PRKDC: variants seen among roughly 807,000 people sequenced by gnomAD.
PRKDC encodes the protein DNA-dependent protein kinase catalytic subunit.
PRKDC carries 82 observed loss-of-function variants against 486.9 expected under a neutral mutation model. The ratio of observed to expected loss-of-function variants is 0.17; its 90% confidence interval spans 0.14 to 0.20. The LOEUF is 0.20. PRKDC is among the 10% of genes least tolerant of loss of function. PRKDC has a pLI of 1.00. For missense variants in PRKDC, 4,504 were observed against 5,038.2 expected (o/e 0.89, Z 3.21); for synonymous variants, 1,895 against 1,837.0 (o/e 1.03, Z -0.81).
rs1046933026 is a variant in PRKDC, at chr8:47,886,209, C to A, written c.4573-62G>T. The A allele has an allele frequency of 2.7e-4, 359 of 1,329,342 alleles. 2 individuals carry two copies. Among genetic ancestry groups the A allele is most frequent in the Non-Finnish European group, 5.2e-5 (52 of 994,734 alleles). The allele number at this position is 1,329,342 out of a possible 1,614,324, so 82.3% of individuals were successfully genotyped here. A position where few individuals can be genotyped will look rare whatever the true frequency, so the allele number is the denominator to read the frequency against. On this transcript the variant is annotated intron_variant, in intron 35 of 85. Coordinates refer to ENST00000314191, the MANE Select transcript of PRKDC (RefSeq NM_006904.7). Reference sequence around the variant, plus strand: ...ACATCTTTGCATGGCACAGAAAGACCCTTGGGCAACTGATAACTTTGAAAT... The same window carrying A: ...ACATCTTTGCATGGCACAGAAAGACACTTGGGCAACTGATAACTTTGAAAT...
At position 47,789,036 on chromosome 8, in the gene PRKDC, T is replaced by C; in HGVS notation, c.10772A>G (p.Asp3591Gly). ...PELLFKDWSN[D>G]VRAELAKTPV... Reference sequence around the variant, plus strand: ...GGTTTTTGCTAGTTCAGCTCTTACATCATTGCTCCAATCCTGTCAGGGGAA... The same window carrying C: ...GGTTTTTGCTAGTTCAGCTCTTACACCATTGCTCCAATCCTGTCAGGGGAA... The change falls in exon 76 of 86, where the codon GAT becomes GGT. Residue 3591 changes from aspartate (D) to glycine (G), a missense_variant. Asp to Gly is a moderately conservative substitution (Grantham distance 94). Around this residue, in one of 6 missense-constraint regions of PRKDC, gnomAD observed 706 missense variants for 945.0 expected, o/e 0.75. Transcript: ENST00000314191. 1 of 1,612,532 alleles carries C rather than the reference T, an allele frequency of 6.2e-7. No individual in the cohort carries two copies. The highest frequency in any genetic ancestry group is 1.1e-5 in the South Asian group (1 of 90,726).
intron 70 of PRKDC, among the ~76,000 whole-genome samples, chr8:47,801,221 A>G (rs895176490): frequency 1.3e-5 from 2 of 152,012 alleles, no homozygotes; most frequent in East Asian, 3.9e-4. Flanking sequence ...ACAGGCTTGC[A>G]CCACCATGCC....
chr8:47,791,745 T>G (rs1286634034), intron 74 of PRKDC, among the ~76,000 whole-genome samples: 1 of 152,096 alleles, frequency 6.6e-6, no homozygotes, highest in African/African-American at 2.4e-5. Context: ...CCTTGTATAC[T>G]ATTGGTGGGA....
At chr8:47,941,408 G>A (rs76507025) in intron 10 of PRKDC, among the ~76,000 whole-genome samples, 328 of 152,252 alleles carry the variant, frequency 2.2e-3, no homozygotes, top group Non-Finnish European at 3.9e-3. Flanking sequence ...ATGTGACTCG[G>A]AATGGGAGCT....
At chr8:47,778,214 CT>C (rs2086638722) in intron 83 of PRKDC, among the ~76,000 whole-genome samples, 1 of 152,188 alleles carries the variant, frequency 6.6e-6, no homozygotes, top group South Asian at 2.1e-4. Context: ...TTCTTAGAGT[CT>C]TCCTTTGATC....
rs773126097 is a variant in PRKDC, at chr8:47,913,990, A to G, written c.2692T>C (p.Phe898Leu). ...AAAATGACAGGTTTCATCTCTCTAA[A>G]GGGCACTGCAAAGCTCAGCCGCTTC... The part of the protein sequence containing the change: ...REKRLSFAVP[F>L]REMKPVIFLD... Residue 898 changes from phenylalanine (F) to leucine (L), a missense_variant, in exon 24 of 86, where the codon TTT becomes CTT. Physicochemically the swap from Phe to Leu is conservative, Grantham distance 22 (BLOSUM62 0). Around this residue, in one of 6 missense-constraint regions of PRKDC, gnomAD observed 1,969 missense variants for 2,068.9 expected, o/e 0.95. Transcript: ENST00000314191. The G allele has an allele frequency of 1.2e-6, 2 of 1,609,160 alleles. No individual in the cohort carries two copies. The highest frequency in any genetic ancestry group is 1.1e-5 in the South Asian group (1 of 90,238).
rs182062448 is a variant in PRKDC, at chr8:47,796,118, C to T, written c.10459-1617G>A. Among the ~76,000 whole-genome samples the T allele has an allele frequency of 3.4e-4, 51 of 151,934 alleles. 1 individual carries two copies. In the East Asian group the frequency reaches 9.6e-3, roughly 28 times the overall value. On this transcript the variant is annotated intron_variant, in intron 73 of 85. Transcript: ENST00000314191. ...CTGTGTTAGCCAGGATGGTCTCAAT[C>T]TCCTGACCTCATGATCCGCCCACCT...
At chr8:47,902,219 TATCCTTCAAGTCTC>T (rs1322201863) in intron 27 of PRKDC, among the ~76,000 whole-genome samples, 1 of 152,198 alleles carries the variant, frequency 6.6e-6, no homozygotes, top group Non-Finnish European at 1.5e-5. Flanking sequence ...GACTTCCATT[TATCCTTCAAGTCTC>T]ATCTCCAATA....
intron 68 of PRKDC, 52 bp from the exon 69 acceptor site, chr8:47,807,378 T>C: frequency 1.4e-6 from 2 of 1,396,292 alleles, no homozygotes; most frequent in South Asian, 3.1e-5. Flanking sequence ...AGGAAGCTGC[T>C]GGATAGCAAT....
At chr8:47,892,058 C>T (rs895250766) in intron 31 of PRKDC, among the ~76,000 whole-genome samples, 34 of 152,006 alleles carry the variant, frequency 2.2e-4, no homozygotes, top group Admixed American at 1.3e-3. Flanking sequence ...TTGGTAGATA[C>T]GGGATTTCGC....
chr8:47,855,093 T>C, intron 50 of PRKDC, 129 bp downstream of exon 50: 2 of 1,013,666 alleles, frequency 2.0e-6, no homozygotes, highest in Non-Finnish European at 1.4e-6. Context: ...TGTGGTTTTA[T>C]TAGTAACAAT....
At chr8:47,956,088 C>T in intron 3 of PRKDC, 140 bp from the exon 4 acceptor site, 2 of 661,410 alleles carry the variant, frequency 3.0e-6, no homozygotes, top group Middle Eastern at 4.3e-4. Context: ...TTAGGCCGGG[C>T]ATAGTGGCTC....
intron 76 of PRKDC, among the ~76,000 whole-genome samples, chr8:47,787,360 T>C (rs1465568381): frequency 6.6e-6 from 1 of 152,180 alleles, no homozygotes; most frequent in African/African-American, 2.4e-5. Flanking sequence ...GGATGAAAAA[T>C]GTAGAAAACA....
chr8:47,849,240 C>T lies in PRKDC; in HGVS notation c.7194G>A (p.Leu2398=). Residue 2398 remains leucine (L), a synonymous_variant, in exon 54 of 86, where the codon CTG becomes CTA. Coordinates refer to ENST00000314191, the MANE Select transcript of PRKDC (RefSeq NM_006904.7). The part of the protein sequence containing the change: ...KFHGVLKTLC[L]EVVLCRVEGM... ...CCTCCACACGACAAAGTACCACCTC[C>T]AGACAGAGTGTTTTCAACACTCCAT... is the stretch of plus-strand genomic sequence containing the variant. The T allele has an allele frequency of 6.2e-7, 1 of 1,614,018 alleles. No individual in the cohort carries two copies.
At position 47,915,434 on chromosome 8, in the gene PRKDC, A is replaced by G; in HGVS notation, c.2527-16T>C. 1.4e-6 allele frequency: 2 copies of G among 1,386,846 alleles called. No homozygotes were observed. Among genetic ancestry groups the G allele is most frequent in the Non-Finnish European group, 2.0e-6 (2 of 1,000,550 alleles). The allele number at this position is 1,386,846 out of a possible 1,614,324, so 85.9% of individuals were successfully genotyped here. ...TTGCTTCGTTCTGTAAATTTGAACA[A>G]TTGTATATATGTGATTACAAATGGG... On this transcript the variant is annotated splice_polypyrimidine_tract_variant and intron_variant, in intron 22 of 85. Transcript: ENST00000314191.
At position 47,915,035 on chromosome 8, in the gene PRKDC, T is replaced by C. The variant is rs1309407488; in HGVS notation, c.2617+293A>G. On this transcript the variant is annotated intron_variant, in intron 23 of 85. Transcript: ENST00000314191. ...TTAACAATATTGGATCTCAAAGAGA[T>C]TAACTTGGAATTCCCGACACTAATA... 2.0e-5 allele frequency among the ~76,000 whole-genome samples: 3 copies of C among 152,178 alleles called. No homozygotes were observed. The South Asian group carries it at 6.2e-4, about 31-fold the overall frequency.
At position 47,907,319 on chromosome 8, in the gene PRKDC, C is replaced by T. The variant is rs866221824; in HGVS notation, c.2935-2343G>A. On this transcript the variant is annotated intron_variant, in intron 25 of 85. Coordinates refer to ENST00000314191, the MANE Select transcript of PRKDC (RefSeq NM_006904.7). ...CCTCCCAAAGTGCTGGGATTACAGG[C>T]GTGAGCCACCGCGCCTGGCCAAGAA... is the stretch of plus-strand genomic sequence containing the variant. 1.0e-4 allele frequency among the ~76,000 whole-genome samples: 15 copies of T among 147,860 alleles called. 1 individual carries two copies. The highest frequency in any genetic ancestry group is 3.3e-4 in the Admixed American group (4 of 12,082).
At chr8:47,924,159 T>C (rs772883520) in intron 21 of PRKDC, among the ~76,000 whole-genome samples, 3 of 152,222 alleles carry the variant, frequency 2.0e-5, no homozygotes, top group Non-Finnish European at 4.4e-5. Flanking sequence ...ATGCTTTGAA[T>C]AGGTCCTTAC....
chr8:47,949,373 G>A (rs904108284), intron 7 of PRKDC, among the ~76,000 whole-genome samples: 1 of 152,220 alleles, frequency 6.6e-6, no homozygotes, highest in Non-Finnish European at 1.5e-5. Flanking sequence ...CTGTCTGAGT[G>A]GCAGTTTACT....
Sources: allele counts gnomAD v4.1 joint callset (sites outside exome capture counted in the v4.1 genomes callset), GRCh38; gene constraint gnomAD v4.1.1; regional missense constraint gnomAD v4.1.1; transcripts MANE v1.5; gene names NCBI Gene and HGNC (gene_info 2026-07-23, HGNC 2026-07-21).